ADGRD1: variants seen among roughly 807,000 people sequenced by gnomAD.
ADGRD1 encodes G-protein coupled receptor 133.
A neutral mutation model predicts 113.4 loss-of-function variants in ADGRD1; 77 were observed. The ratio of observed to expected loss-of-function variants is 0.68; its 90% CI spans 0.57 to 0.82. ADGRD1 has a LOEUF of 0.82. Among genes scored for constraint, ADGRD1 ranks in the 40% least tolerant of loss-of-function variants. The probability of loss-of-function intolerance (pLI) is 0.00; values close to 1 mark genes in which losing one functional copy is unlikely to be tolerated. For synonymous variants in ADGRD1, 474 were observed against 475.0 expected (o/e 1.00, Z 0.03); for missense variants, 1,036 against 1,139.1 (o/e 0.91, Z 1.30).
chr12:131,081,964 T>C lies in ADGRD1; in HGVS notation c.1548-2576T>C, dbSNP rs571889917. On this transcript the variant is annotated intron_variant, in intron 14 of 24. Transcript: ENST00000261654. Reference sequence around the variant, plus strand: ...GTAATATATCAATATATTATTTTGTTCAAAAGTAAAACATTATAGAAAAGC... The same window carrying C: ...GTAATATATCAATATATTATTTTGTCCAAAAGTAAAACATTATAGAAAAGC... Among the ~76,000 whole-genome samples the C allele has an allele frequency of 3.8e-4, 58 of 152,318 alleles. No homozygotes were observed. The South Asian group carries it at 5.4e-3, about 14-fold the overall frequency.
chr12:131,078,881 CCA>C (rs1355702391), intron 14 of ADGRD1, among the ~76,000 whole-genome samples: 2 of 152,114 alleles, frequency 1.3e-5, no homozygotes, highest in African/African-American at 4.8e-5. Flanking sequence ...TCAGAAAAAT[CCA>C]CACTTGTAGA....
At position 130,987,467 on chromosome 12, in the gene ADGRD1, T is replaced by G. The variant is rs1019918661; in HGVS notation, c.745+118T>G. On this transcript the variant is annotated intron_variant, in intron 6 of 24. Transcript: ENST00000261654. ...CTATCAGCACTGCAGGCGTGAGATGTGTCCTAATGAACCTTATAAACACAG... is the reference window on the plus strand; with the variant it reads ...CTATCAGCACTGCAGGCGTGAGATGGGTCCTAATGAACCTTATAAACACAG... 5.4e-6 allele frequency: 6 copies of G among 1,113,582 alleles called. No homozygotes were observed. In the African/African-American group the frequency reaches 9.3e-5, roughly 17 times the overall value. The allele number at this position is 1,113,582 out of a possible 1,614,324, so 69.0% of individuals were successfully genotyped here.
chr12:131,131,981 C>G (rs942735420), intron 21 of ADGRD1, among the ~76,000 whole-genome samples, 165 bp downstream of exon 21: 1 of 152,214 alleles, frequency 6.6e-6, no homozygotes, highest in Non-Finnish European at 1.5e-5. Context: ...TTCACGCCCT[C>G]GCTTGGCTCT....
intron 9 of ADGRD1, among the ~76,000 whole-genome samples, chr12:131,001,123 A>G (rs774073447): frequency 3.3e-5 from 5 of 152,192 alleles, no homozygotes; most frequent in Non-Finnish European, 7.3e-5. Context: ...TTGAATGACA[A>G]TAGAAAGCTT....
At chr12:130,997,367 C>T (rs1161845783) in intron 8 of ADGRD1, among the ~76,000 whole-genome samples, 18 of 148,332 alleles carry the variant, frequency 1.2e-4, no homozygotes, top group South Asian at 2.2e-4. Flanking sequence ...ACTTCCCAGA[C>T]GGGGTGGCTG....
intron 15 of ADGRD1, among the ~76,000 whole-genome samples, chr12:131,091,421 T>C (rs1211815096): frequency 6.6e-6 from 1 of 152,216 alleles, no homozygotes; most frequent in Non-Finnish European, 1.5e-5. Flanking sequence ...ATTATTCATC[T>C]CTATACTAAA....
At position 130,965,941 on chromosome 12, in the gene ADGRD1, A is replaced by G. The variant is rs1257905732; in HGVS notation, c.104-522A>G. 1.3e-5 allele frequency among the ~76,000 whole-genome samples: 2 copies of G among 152,234 alleles called. No individual in the cohort carries two copies. The highest frequency in any genetic ancestry group is 2.9e-5 in the Non-Finnish European group (2 of 68,042). On this transcript the variant is annotated intron_variant, in intron 2 of 24. Transcript: ENST00000261654. This position sits in a 1 kb window ranked among gnomAD's most constrained non-coding sequence, Gnocchi z 4.8. Reference sequence around the variant, plus strand: ...ACTTTCATTTCCTGTCTTTACAAATAGGCTAAGAATTCAATTTTCTTATAG... The same window carrying G: ...ACTTTCATTTCCTGTCTTTACAAATGGGCTAAGAATTCAATTTTCTTATAG...
In ADGRD1 at chr12:131,140,979, G is replaced by A. The variant is rs1951231251; in HGVS notation, c.*1716G>A. On this transcript the variant is annotated 3_prime_UTR_variant, in exon 25 of 25. Coordinates refer to ENST00000261654, the MANE Select transcript of ADGRD1 (RefSeq NM_198827.5). ...AGTCCCATGTTTAGTATGGACTAAA[G>A]TCCCATGTTTAGCCACTGCCCCAGG... The A allele has an allele frequency of 6.6e-6, 1 of 152,250 alleles. No individual in the cohort carries two copies. Among genetic ancestry groups the A allele is most frequent in the Admixed American group, 6.5e-5 (1 of 15,270 alleles). 9.4% of individuals were successfully genotyped at this position (152,250 alleles called of 1,614,324 possible). A position where few individuals can be genotyped will look rare whatever the true frequency, so the allele number is the denominator to read the frequency against.
rs1195898 is a variant in ADGRD1, at chr12:131,022,162, C to T, written c.1473+7822C>T. ...TTCAACAGGTGACTTTAGTGGGGAG[C>T]AATTCGGCTCCAGCATAGCAAATAT... On this transcript the variant is annotated intron_variant, in intron 13 of 24. Transcript: ENST00000261654. The surrounding 1 kb of genome is among the most constrained non-coding windows in gnomAD (Gnocchi z 4.6). Among the ~76,000 whole-genome samples, 86,140 of 151,906 alleles carry T rather than the reference C, an allele frequency of 0.57. 24,820 individuals are homozygous for T. The highest frequency in any genetic ancestry group is 0.78 in the East Asian group (4,024 of 5,158).
intron 13 of ADGRD1, among the ~76,000 whole-genome samples, chr12:131,020,848 T>G (rs916295941): frequency 1.3e-5 from 2 of 152,198 alleles, no homozygotes; most frequent in Admixed American, 6.5e-5. Flanking sequence ...ACAGGGTGCC[T>G]TCGGGCTGGG....
At chr12:131,074,212 G>A (rs1200988775) in intron 13 of ADGRD1, among the ~76,000 whole-genome samples, 1 of 152,186 alleles carries the variant, frequency 6.6e-6, no homozygotes, top group African/African-American at 2.4e-5. Flanking sequence ...GGTTGTTGGA[G>A]CACATCTCAG....
rs908197898 is a variant in ADGRD1, at chr12:131,011,149, A to T, written c.1332-3050A>T. ...CCCCTTCCCCACCCTGCCCCACCTC[A>T]CCCCTTCCCCACCCTGCCCCACCTC... On this transcript the variant is annotated intron_variant, in intron 12 of 24. Coordinates refer to ENST00000261654, the MANE Select transcript of ADGRD1 (RefSeq NM_198827.5). Among the ~76,000 whole-genome samples, 17 of 38,518 alleles carry T rather than the reference A, an allele frequency of 4.4e-4. No homozygotes were observed. The East Asian group carries it at 0.016, about 37-fold the overall frequency. 25.3% of individuals were successfully genotyped at this position (38,518 alleles called of 152,430 possible).
chr12:130,956,164 G>T (rs375142361), intron 2 of ADGRD1, among the ~76,000 whole-genome samples: 1 of 152,212 alleles, frequency 6.6e-6, no homozygotes, highest in East Asian at 1.9e-4. Context: ...CGATACCCAG[G>T]CCTCCAGGGA....
At chr12:131,034,606 A>G (rs1849865333) in intron 13 of ADGRD1, among the ~76,000 whole-genome samples, 10 of 152,220 alleles carry the variant, frequency 6.6e-5, no homozygotes, top group Admixed American at 6.5e-4. Context: ...GGGAAGAGAG[A>G]GGCTGTCATG....
At chr12:130,986,161 C>T (rs117828397) in intron 5 of ADGRD1, among the ~76,000 whole-genome samples, 2,078 of 152,246 alleles carry the variant, frequency 0.014, 26 homozygotes, top group Middle Eastern at 0.034. Flanking sequence ...TCTTCCTTCT[C>T]CATAGTTTAT....
rs1871030680 is a variant in ADGRD1 at position 130,966,644 on chromosome 12, C to A, written c.187+98C>A. The A allele has an allele frequency of 2.6e-6, 2 of 782,806 alleles. No homozygotes were observed. The allele number at this position is 782,806 out of a possible 1,614,324, so 48.5% of individuals were successfully genotyped here. A position where few individuals can be genotyped will look rare whatever the true frequency, so the allele number is the denominator to read the frequency against. On this transcript the variant is annotated intron_variant, in intron 3 of 24. Transcript: ENST00000261654. The surrounding 1 kb of genome is among the most constrained non-coding windows in gnomAD (Gnocchi z 4.6). ...AGTGGCTGGCCTTGAAATCCCAGGG[C>A]CATTGGGGGACGTGGGTGCTGAGAG...
In ADGRD1 at chr12:130,991,140, G is replaced by C; in HGVS notation, c.810+62G>C. On this transcript the variant is annotated intron_variant, in intron 7 of 24. Coordinates refer to ENST00000261654, the MANE Select transcript of ADGRD1 (RefSeq NM_198827.5). ...TGTTCTTCTGCTTGGGCTGTTTGCT[G>C]GGAGAGAGAAAATTCCATTAGGTGT... 2.9e-6 allele frequency: 4 copies of C among 1,383,920 alleles called. No individual in the cohort carries two copies. In the South Asian group the frequency reaches 4.7e-5, roughly 16 times the overall value. 85.7% of individuals were successfully genotyped at this position (1,383,920 alleles called of 1,614,324 possible). A position where few individuals can be genotyped will look rare whatever the true frequency, so the allele number is the denominator to read the frequency against.
chr12:130,963,259 G>A (rs1244622528), intron 2 of ADGRD1, among the ~76,000 whole-genome samples: 1 of 136,306 alleles, frequency 7.3e-6, no homozygotes, highest in South Asian at 2.3e-4. Flanking sequence ...GGCGGAGCTT[G>A]CAGTGAGCCG....
chr12:131,050,546 A>C lies in ADGRD1; in HGVS notation c.1474-26255A>C, dbSNP rs1397898773. Among the ~76,000 whole-genome samples, 2 of 152,120 alleles carry C rather than the reference A, an allele frequency of 1.3e-5. No individual in the cohort carries two copies. Among genetic ancestry groups the C allele is most frequent in the Non-Finnish European group, 2.9e-5 (2 of 68,030 alleles). ...TTCTGGGAAGGCCTCCGGGAGCTACAGTCATGGCAGAAGGTGGAGGGAACC... is the reference window on the plus strand; with the variant it reads ...TTCTGGGAAGGCCTCCGGGAGCTACCGTCATGGCAGAAGGTGGAGGGAACC... On this transcript the variant is annotated intron_variant, in intron 13 of 24. Transcript: ENST00000261654. This position sits in a 1 kb window ranked among gnomAD's most constrained non-coding sequence, Gnocchi z 4.8.
Sources: gnomAD v4.1 joint callset for allele counts (sites outside exome capture counted in the v4.1 genomes callset) on GRCh38, gnomAD v4.1.1 for gene constraint, Gnocchi (gnomAD v3.1) non-coding constraint, MANE v1.5 for transcripts, NCBI Gene and HGNC (gene_info 2026-07-23, HGNC 2026-07-21) for gene names.